The following SPINT4 variants were observed in gnomAD, a reference collection of about 807,000 sequenced individuals.
SPINT4 encodes serine peptidase inhibitor, Kunitz type 4.
A neutral mutation model predicts 9.4 loss-of-function variants in SPINT4; 7 were observed. The observed-to-expected ratio is 0.74, with a 90% CI of 0.42 to 1.40. SPINT4 has a LOEUF of 1.40. Ranked by LOEUF, SPINT4 falls within the 40% of genes most tolerant of loss-of-function variation. The probability of loss-of-function intolerance (pLI) is 0.01; values close to 1 mark genes in which losing one functional copy is unlikely to be tolerated. For missense variants in SPINT4, 105 were observed against 114.4 expected (o/e 0.92, Z 0.37); for synonymous variants, 36 against 39.9 (o/e 0.90, Z 0.37).
chr20:45,722,880 T>C (rs1379309973), intron 1 of SPINT4, among the ~76,000 whole-genome samples: 1 of 152,126 alleles, frequency 6.6e-6, no homozygotes, highest in Non-Finnish European at 1.5e-5. Flanking sequence ...TACAGAACTC[T>C]TGGACAGATG....
At chr20:45,722,512 A>C in intron 1 of SPINT4, 30 bp downstream of exon 1, 1 of 1,476,222 alleles carries the variant, frequency 6.8e-7, no homozygotes, top group Non-Finnish European at 9.5e-7. Context: ...AATAAATCCA[A>C]AGGTCAATTA....
intron 2 of SPINT4, among the ~76,000 whole-genome samples, 177 bp downstream of exon 2, chr20:45,724,234 A>G (rs1984873231): frequency 1.3e-5 from 2 of 151,990 alleles, no homozygotes; most frequent in Admixed American, 1.3e-4. Context: ...CATGCCTGTA[A>G]CCCCAGCACT....
At chr20:45,724,995 A>AAAAAATATAT (rs1387842262) in intron 2 of SPINT4, among the ~76,000 whole-genome samples, 2 of 36,424 alleles carry the variant, frequency 5.5e-5, no homozygotes, top group Admixed American at 3.2e-4. Flanking sequence ...AAAAAAAAAA[A>AAAAAATATAT]ATATATATAT....
chr20:45,725,802 A>T lies in SPINT4; in HGVS notation c.*167A>T, dbSNP rs1978373006. On this transcript the variant is annotated 3_prime_UTR_variant, in exon 3 of 3. Transcript: ENST00000279058. Reference sequence around the variant, plus strand: ...GTCTTTCCTGGAAATTAACTGTATGATCATTAGAATGAAAGAGTCTTTCTG... The same window carrying T: ...GTCTTTCCTGGAAATTAACTGTATGTTCATTAGAATGAAAGAGTCTTTCTG... The T allele has an allele frequency of 2.5e-6, 2 of 803,086 alleles. No individual in the cohort carries two copies. Among genetic ancestry groups the T allele is most frequent in the Non-Finnish European group, 4.1e-6 (2 of 488,100 alleles). 49.7% of individuals were successfully genotyped at this position (803,086 alleles called of 1,614,324 possible).
Position 45,722,645 on chromosome 20 carries a change from G to T in SPINT4, c.115+163G>T, listed in dbSNP as rs78492149. Among the ~76,000 whole-genome samples, 856 of 152,188 alleles carry T rather than the reference G, an allele frequency of 5.6e-3. 10 individuals carry two copies. The highest frequency in any genetic ancestry group is 0.02 in the African/African-American group (826 of 41,544). Reference sequence around the variant, plus strand: ...ACTCAGGGCATTACTTACACTAGGGGTCCTCTGGATGTTTGATGAGAAAAA... The same window carrying T: ...ACTCAGGGCATTACTTACACTAGGGTTCCTCTGGATGTTTGATGAGAAAAA... On this transcript the variant is annotated intron_variant, in intron 1 of 2. Coordinates refer to ENST00000279058, the MANE Select transcript of SPINT4 (RefSeq NM_178455.3).
Position 45,725,015 on chromosome 20 carries a change from T to TATACACAC in SPINT4, c.294-611_294-610insCACACATA, listed in dbSNP as rs1555809006. Among the ~76,000 whole-genome samples, 57 of 113,510 alleles carry TATACACAC rather than the reference T, an allele frequency of 5.0e-4. 11 individuals carry two copies. The highest frequency in any genetic ancestry group is 2.1e-3 in the African/African-American group (54 of 26,110). The allele number at this position is 113,510 out of a possible 152,430, so 74.5% of individuals were successfully genotyped here. ...AAAAAAATATATATATATATATATA[T>TATACACAC]ATATATATATATCAATAGATATATA... On this transcript the variant is annotated intron_variant, in intron 2 of 2. Coordinates refer to ENST00000279058, the MANE Select transcript of SPINT4 (RefSeq NM_178455.3).
chr20:45,723,887 C>G lies in SPINT4; in HGVS notation c.123C>G (p.Cys41Trp). ...TGGGAACCTCTCATGCAGATCCCTG[C>G]AAATTGGACATGAATTTTGGAAGCT... ...EKICGDLKDP[C>W]KLDMNFGSCY... Residue 41 changes from cysteine to tryptophan, a missense_variant, in exon 2 of 3, where the codon TGC (cysteine) becomes TGG (tryptophan). Transcript: ENST00000279058. The G allele has an allele frequency of 6.3e-7, 1 of 1,588,052 alleles. No individual in the cohort carries two copies.
rs1393426896 is a variant in SPINT4 at position 45,723,940 on chromosome 20, A to C, written c.176A>C (p.Tyr59Ser). Residue 59 changes from tyrosine to serine, a missense_variant, in exon 2 of 3, where the codon TAC becomes TCC. Transcript: ENST00000279058. ...TATGAAGTTCACTTTAGATATTTCTACAACAGAACCTCCAAAAGATGTGAA... is the reference window on the plus strand; with the variant it reads ...TATGAAGTTCACTTTAGATATTTCTCCAACAGAACCTCCAAAAGATGTGAA... ...SCYEVHFRYF[Y>S]NRTSKRCETF... 2.5e-6 allele frequency: 4 copies of C among 1,607,012 alleles called. No homozygotes were observed. In the African/African-American group the frequency reaches 5.4e-5, roughly 22 times the overall value.
intron 1 of SPINT4, 68 bp from the exon 2 acceptor site, chr20:45,723,812 C>G: frequency 7.5e-7 from 1 of 1,331,908 alleles, no homozygotes; most frequent in South Asian, 1.6e-5. Flanking sequence ...TTTAAGGGCC[C>G]ATAAAGACAA....
At chr20:45,722,591 G>A (rs1437271584) in intron 1 of SPINT4, 109 bp downstream of exon 1, 1 of 774,144 alleles carries the variant, frequency 1.3e-6, no homozygotes, top group African/African-American at 1.7e-5. Flanking sequence ...TTCCTTTCAT[G>A]ACAATACCCA....
chr20:45,724,990 A>AT (rs1241197382), intron 2 of SPINT4, among the ~76,000 whole-genome samples: 4 of 109,890 alleles, frequency 3.6e-5, no homozygotes, highest in Non-Finnish European at 6.9e-5. Flanking sequence ...AAAAAAAAAA[A>AT]AAAAAATATA....
chr20:45,724,755 C>T (rs1283791731), intron 2 of SPINT4, among the ~76,000 whole-genome samples: 4 of 148,960 alleles, frequency 2.7e-5, no homozygotes, highest in Non-Finnish European at 4.5e-5. Flanking sequence ...CCGAGGTGGG[C>T]GGATCACAAG....
At chr20:45,723,464 G>GA (rs11481197) in intron 1 of SPINT4, among the ~76,000 whole-genome samples, 86,752 of 151,822 alleles carry the variant, frequency 0.57, 28,024 homozygotes, top group African/African-American at 0.87. Flanking sequence ...GTGAATGTAT[G>GA]AAACTGGGGA....
rs1158109209 is a variant in SPINT4 at position 45,722,441 on chromosome 20, GTGT to G, written c.76_78del (p.Val26del). 10 of 1,613,550 alleles carry G rather than the reference GTGT, an allele frequency of 6.2e-6. No individual in the cohort carries two copies. Among genetic ancestry groups the G allele is most frequent in the Non-Finnish European group, 8.5e-6 (10 of 1,179,578 alleles). ...TCATTGAATACCCTGTTATTGGGTG[GTGT>G]TAATAAAATTGCGGAGAAGATATGT... On this transcript the variant is annotated inframe_deletion, in exon 1 of 3. Coordinates refer to ENST00000279058, the MANE Select transcript of SPINT4 (RefSeq NM_178455.3).
intron 2 of SPINT4, among the ~76,000 whole-genome samples, chr20:45,724,997 T>TAC (rs1568682582): frequency 3.7e-4 from 20 of 54,578 alleles, no homozygotes; most frequent in Admixed American, 2.6e-4. Context: ...AAAAAAAAAA[T>TAC]ATATATATAT....
rs111291480 is a variant in SPINT4 at position 45,724,109 on chromosome 20, T to C, written c.293+52T>C. On this transcript the variant is annotated intron_variant, in intron 2 of 2. Transcript: ENST00000279058. Reference sequence around the variant, plus strand: ...CCTTGGGGGTAGTAAAAGAAGAGGTTTTGACATCCTAAGATAGAGAAAATT... The same window carrying C: ...CCTTGGGGGTAGTAAAAGAAGAGGTCTTGACATCCTAAGATAGAGAAAATT... The C allele has an allele frequency of 3.1e-5, 47 of 1,535,282 alleles. 4 individuals are homozygous for C. In the African/African-American group the frequency reaches 3.8e-4, roughly 13 times the overall value.
At chr20:45,724,453 G>A (rs1010678595) in intron 2 of SPINT4, among the ~76,000 whole-genome samples, 2 of 148,894 alleles carry the variant, frequency 1.3e-5, no homozygotes, top group Non-Finnish European at 3.0e-5. Context: ...AGGTTGCGGC[G>A]AGCCGAGATC....
rs766748376 is a variant in SPINT4 at position 45,722,438 on chromosome 20, G to A, written c.71G>A (p.Gly24Asp). 8 of 1,613,608 alleles carry A rather than the reference G, an allele frequency of 5.0e-6. No individual in the cohort carries two copies. In the Admixed American group the frequency reaches 1.2e-4, roughly 24 times the overall value. ...IFCSLNTLLL[G>D]GVNKIAEKIC... The stretch of plus-strand genomic sequence containing the variant: ...TGCTCATTGAATACCCTGTTATTGG[G>A]TGGTGTTAATAAAATTGCGGAGAAG... The change falls in exon 1 of 3, where the codon GGT becomes GAT. Residue 24 changes from glycine to aspartate, a missense_variant. Transcript: ENST00000279058.
chr20:45,724,296 CTGACCAACA>C (rs1984875113), intron 2 of SPINT4, among the ~76,000 whole-genome samples: 1 of 151,418 alleles, frequency 6.6e-6, no homozygotes. Context: ...CAAGACCAGC[CTGACCAACA>C]TGGAGAAACC....
Sources: gnomAD v4.1 joint callset for allele counts (sites outside exome capture counted in the v4.1 genomes callset) on GRCh38, gnomAD v4.1.1 for gene constraint, MANE v1.5 for transcripts, NCBI Gene and HGNC (gene_info 2026-07-23, HGNC 2026-07-21) for gene names.